SOX5: variants seen among roughly 807,000 people sequenced by gnomAD.
SOX5 encodes the protein SRY-box transcription factor 5.
In SOX5, 9 loss-of-function variants were observed where a neutral mutation model predicts 92.0. The ratio of observed to expected loss-of-function variants is 0.10; its 90% CI spans 0.06 to 0.17. SOX5 has a LOEUF of 0.17. SOX5 is among the 10% of genes least tolerant of loss of function. The pLI is 1.00. For missense variants in SOX5, 642 were observed against 944.5 expected (o/e 0.68, Z 4.20); for synonymous variants, 344 against 336.3 (o/e 1.02, Z -0.25).
intron 2 of SOX5, among the ~76,000 whole-genome samples, chr12:24,349,246 C>T (rs943807908): frequency 6.6e-6 from 1 of 152,212 alleles, no homozygotes; most frequent in Non-Finnish European, 1.5e-5. Flanking sequence ...TCCCCTCTGT[C>T]TGTACTTCCT....
intron 4 of SOX5, among the ~76,000 whole-genome samples, chr12:24,212,159 T>C (rs905989377): frequency 4.6e-5 from 7 of 152,220 alleles, no homozygotes; most frequent in East Asian, 1.9e-4. Context: ...AGCATATGCA[T>C]TGCATGAAGA....
intron 3 of SOX5, among the ~76,000 whole-genome samples, chr12:23,774,242 T>C (rs1312480316): frequency 6.6e-6 from 1 of 152,230 alleles, no homozygotes; most frequent in Non-Finnish European, 1.5e-5. Flanking sequence ...TTTATGGGTT[T>C]AAATATGTTT....
In SOX5 at chr12:24,408,050, T is replaced by C. The variant is rs186436382; in HGVS notation, c.-250-39411A>G. The stretch of plus-strand genomic sequence containing the variant: ...TGAGCAGAGATCTCGATGAAGTGAA[T>C]GAGCAGGCCAGAGAAAGGAATGTTC... On this transcript the variant is annotated intron_variant, in intron 1 of 4. Transcript: ENST00000446891. 3.9e-5 allele frequency among the ~76,000 whole-genome samples: 6 copies of C among 152,192 alleles called. No homozygotes were observed. The East Asian group carries it at 1.2e-3, about 29-fold the overall frequency.
chr12:24,493,324 T>C (rs1032181748), intron 1 of SOX5, among the ~76,000 whole-genome samples: 1 of 152,120 alleles, frequency 6.6e-6, no homozygotes, highest in South Asian at 2.1e-4. Context: ...CTAGGAGATA[T>C]GATATTAAAT....
At chr12:23,685,464 A>G (rs902210130) in intron 6 of SOX5, among the ~76,000 whole-genome samples, 1 of 152,106 alleles carries the variant, frequency 6.6e-6, no homozygotes, top group African/African-American at 2.4e-5. Context: ...TAAAATTTTA[A>G]TTGTGTGTCT....
rs754335078 is a variant in SOX5, at chr12:23,740,872, C to G, written c.736G>C (p.Glu246Gln). Residue 246 changes from glutamate (E) to glutamine (Q), a missense_variant, in exon 5 of 15, where the codon GAA (glutamate) becomes CAA (glutamine). Glu to Gln is a conservative substitution (Grantham distance 29, BLOSUM62 2). This residue lies in a region of SOX5 where 324 missense variants were observed against 461.6 expected (regional missense o/e 0.70). Coordinates refer to ENST00000451604, the MANE Select transcript of SOX5 (RefSeq NM_006940.6). ...CATCGCTAGTTCTTACTCACTTGTT[C>G]TTGTTGCTGCTTGGCCAGCTCCATT... ...QQMELAKQQQ[E>Q]QIARQQQQLL... 1.2e-6 allele frequency: 2 copies of G among 1,609,594 alleles called. No individual in the cohort carries two copies. Among genetic ancestry groups the G allele is most frequent in the Non-Finnish European group, 1.7e-6 (2 of 1,177,168 alleles).
At chr12:23,770,458 T>C (rs2094896187) in intron 3 of SOX5, among the ~76,000 whole-genome samples, 1 of 152,174 alleles carries the variant, frequency 6.6e-6, no homozygotes, top group Non-Finnish European at 1.5e-5. Context: ...TGTGATTTCA[T>C]AAATGCTGGG....
intron 4 of SOX5, among the ~76,000 whole-genome samples, chr12:24,077,952 T>TA (rs1417351026): frequency 1.3e-5 from 2 of 151,254 alleles, no homozygotes; most frequent in Non-Finnish European, 3.0e-5. Flanking sequence ...TTAAATAATG[T>TA]AAAAAAACCA....
intron 6 of SOX5, among the ~76,000 whole-genome samples, chr12:23,672,868 T>C (rs1433775379): frequency 6.6e-6 from 1 of 152,172 alleles, no homozygotes. Context: ...AGGTTTATCT[T>C]AAAAATTCTT....
intron 4 of SOX5, among the ~76,000 whole-genome samples, chr12:24,150,195 T>A (rs917321892): frequency 6.6e-6 from 1 of 152,320 alleles, no homozygotes; most frequent in East Asian, 1.9e-4. Context: ...TATGATTTGT[T>A]TTTCTCCTTT....
At chr12:24,303,110 C>A (rs1307466120) in intron 2 of SOX5, among the ~76,000 whole-genome samples, 1 of 152,098 alleles carries the variant, frequency 6.6e-6, no homozygotes, top group African/African-American at 2.4e-5. Context: ...GAAAGGCCAA[C>A]AAGAAACTTT....
chr12:24,196,195 G>A (rs933054124), intron 4 of SOX5, among the ~76,000 whole-genome samples: 7 of 152,200 alleles, frequency 4.6e-5, no homozygotes, highest in African/African-American at 1.7e-4. Context: ...CATTAACTGT[G>A]AATAAGTATT....
At chr12:24,441,103 T>C (rs1429284406) in intron 1 of SOX5, among the ~76,000 whole-genome samples, 1 of 152,212 alleles carries the variant, frequency 6.6e-6, no homozygotes, top group Non-Finnish European at 1.5e-5. Flanking sequence ...ACCCAGGATT[T>C]GTTTCCCAAT....
chr12:23,840,493 A>G (rs892506396), intron 3 of SOX5, among the ~76,000 whole-genome samples: 34 of 152,150 alleles, frequency 2.2e-4, no homozygotes, highest in African/African-American at 7.7e-4. Context: ...TCTAAAGTCT[A>G]CAAGAAAAGG....
At chr12:23,989,055 TAAGG>T (rs1411329877) in intron 4 of SOX5, among the ~76,000 whole-genome samples, 3 of 151,918 alleles carry the variant, frequency 2.0e-5, no homozygotes, top group Non-Finnish European at 2.9e-5. Context: ...TGAGTGATGA[TAAGG>T]AAGGAAGTTT....
chr12:23,948,612 T>G (rs1001050608), intron 1 of SOX5, among the ~76,000 whole-genome samples: 1 of 151,744 alleles, frequency 6.6e-6, no homozygotes, highest in Non-Finnish European at 1.5e-5. Context: ...TTTTTTTTTT[T>G]AATTCACCAT....
chr12:23,870,838 A>G (rs534083761), intron 2 of SOX5, among the ~76,000 whole-genome samples: 29 of 151,972 alleles, frequency 1.9e-4, no homozygotes, highest in Non-Finnish European at 4.0e-4. Flanking sequence ...CACTATTTCT[A>G]CTTATGTAAG....
At chr12:24,467,524 A>AG (rs1401534164) in intron 1 of SOX5, among the ~76,000 whole-genome samples, 1 of 149,642 alleles carries the variant, frequency 6.7e-6, no homozygotes, top group Admixed American at 6.7e-5. Context: ...ATGGAAGCAG[A>AG]GAAAAAAAAA....
chr12:24,042,189 A>G (rs1956589983), intron 4 of SOX5, among the ~76,000 whole-genome samples: 1 of 152,260 alleles, frequency 6.6e-6, no homozygotes, highest in South Asian at 2.1e-4. Flanking sequence ...ATAAAGGACT[A>G]AAGAAATATG....
Sources: gnomAD v4.1 joint callset for allele counts (sites outside exome capture counted in the v4.1 genomes callset) on GRCh38, gnomAD v4.1.1 for gene constraint, gnomAD v4.1.1 regional missense constraint, MANE v1.5 for transcripts, NCBI Gene and HGNC (gene_info 2026-07-23, HGNC 2026-07-21) for gene names.